ATP10A: variants seen among roughly 807,000 people sequenced by gnomAD.
The protein encoded by ATP10A is phospholipid-transporting ATPase VA.
A neutral mutation model predicts 147.8 loss-of-function variants in ATP10A; 111 were observed. The observed-to-expected ratio is 0.75, with a 90% confidence interval of 0.64 to 0.88. The LOEUF (loss-of-function observed/expected upper bound fraction) is 0.88. Among genes scored for constraint, ATP10A ranks in the 40% least tolerant of loss-of-function variants. The pLI is 0.00. For missense variants in ATP10A, 1,927 were observed against 1,959.0 expected (o/e 0.98, Z 0.31); for synonymous variants, 875 against 841.6 (o/e 1.04, Z -0.69).
At chr15:25,682,467 G>A (rs1899475090) in intron 17 of ATP10A, among the ~76,000 whole-genome samples, 1 of 152,166 alleles carries the variant, frequency 6.6e-6, no homozygotes, top group Non-Finnish European at 1.5e-5. Context: ...GAGCACTTAG[G>A]GAAAGTGCTG....
intron 12 of ATP10A, among the ~76,000 whole-genome samples, chr15:25,705,594 A>C (rs1348992481): frequency 6.6e-6 from 1 of 152,184 alleles, no homozygotes; most frequent in East Asian, 1.9e-4. Flanking sequence ...TGTGAACGCT[A>C]AGGTGGTGGG....
chr15:25,864,741 G>C, upstream of ATP10A, among the ~76,000 whole-genome samples: 1 of 152,178 alleles, frequency 6.6e-6, no homozygotes, highest in East Asian at 1.9e-4. Flanking sequence ...CAGTCAACCA[G>C]CAGAAACCCA....
chr15:25,684,593 G>A (rs1033576585), intron 16 of ATP10A, among the ~76,000 whole-genome samples: 1 of 152,176 alleles, frequency 6.6e-6, no homozygotes, highest in African/African-American at 2.4e-5. Context: ...GAAGTTCCAA[G>A]ACATCAAATG....
chr15:25,747,892 C>T (rs2140536164), intron 2 of ATP10A, among the ~76,000 whole-genome samples: 1 of 152,170 alleles, frequency 6.6e-6, no homozygotes, highest in South Asian at 2.1e-4. Flanking sequence ...CTGGCATGGG[C>T]TTTATACTAA....
intron 1 of ATP10A, among the ~76,000 whole-genome samples, chr15:25,792,995 C>T (rs1307848375): frequency 3.3e-5 from 5 of 151,780 alleles, no homozygotes; most frequent in African/African-American, 1.2e-4. Context: ...CTCAGCCTCC[C>T]GAGTAGCTGG....
intron 2 of ATP10A, among the ~76,000 whole-genome samples, chr15:25,766,821 G>C (rs980976005): frequency 2.0e-5 from 3 of 150,840 alleles, no homozygotes; most frequent in African/African-American, 7.3e-5. Context: ...GCTGCAGCTT[G>C]AGAAGGCACC....
chr15:25,787,365 G>C (rs1270576749), intron 1 of ATP10A, among the ~76,000 whole-genome samples: 5 of 152,078 alleles, frequency 3.3e-5, no homozygotes, highest in Non-Finnish European at 5.9e-5. Flanking sequence ...TGTAATCCCA[G>C]CACTTTGGGA....
At chr15:25,837,171 C>G (rs1266248536) in intron 1 of ATP10A, among the ~76,000 whole-genome samples, 3 of 152,228 alleles carry the variant, frequency 2.0e-5, no homozygotes, top group African/African-American at 7.2e-5. Flanking sequence ...AGCTTCAGTC[C>G]TCATGCTGTG....
At chr15:25,806,106 T>C (rs898333543) in intron 1 of ATP10A, among the ~76,000 whole-genome samples, 2 of 152,160 alleles carry the variant, frequency 1.3e-5, no homozygotes, top group Non-Finnish European at 2.9e-5. Flanking sequence ...CATATACATG[T>C]GGTTTTTTTC....
chr15:25,697,036 T>C (rs1900377311), intron 13 of ATP10A, among the ~76,000 whole-genome samples: 2 of 152,202 alleles, frequency 1.3e-5, no homozygotes, highest in South Asian at 4.1e-4. Context: ...CCAGCTTTCC[T>C]GCCAGAAGAC....
intron 17 of ATP10A, among the ~76,000 whole-genome samples, chr15:25,682,053 TAAA>T (rs5811392): frequency 0.65 from 81,757 of 126,720 alleles, 26,278 homozygotes; most frequent in African/African-American, 0.73. Context: ...GACCTTGTCT[TAAA>T]AAAAAAAAAA....
At chr15:25,744,618 CT>C (rs1354508562) in intron 2 of ATP10A, among the ~76,000 whole-genome samples, 2 of 152,128 alleles carry the variant, frequency 1.3e-5, no homozygotes, top group African/African-American at 4.8e-5. Flanking sequence ...AAAATGTGAC[CT>C]TAGAGATTTC....
chr15:25,737,832 G>GA (rs1455692732), intron 2 of ATP10A, among the ~76,000 whole-genome samples: 1 of 152,084 alleles, frequency 6.6e-6, no homozygotes, highest in East Asian at 1.9e-4. Flanking sequence ...TATACAAAGG[G>GA]AAAATCAGGA....
intron 1 of ATP10A, among the ~76,000 whole-genome samples, chr15:25,788,435 G>C (rs894565759): frequency 4.6e-5 from 7 of 152,160 alleles, no homozygotes; most frequent in African/African-American, 1.7e-4. Context: ...CCATTTCCCC[G>C]TAGCCCTCTG....
intron 14 of ATP10A, among the ~76,000 whole-genome samples, chr15:25,694,305 T>TA (rs1260409638): frequency 2.0e-5 from 3 of 152,232 alleles, no homozygotes; most frequent in Non-Finnish European, 4.4e-5. Flanking sequence ...ATGATGGACT[T>TA]ATTTACTCAG....
chr15:25,835,388 G>A (rs755532910), intron 1 of ATP10A, among the ~76,000 whole-genome samples: 34 of 152,328 alleles, frequency 2.2e-4, no homozygotes, highest in Non-Finnish European at 4.3e-4. Context: ...TTAACTGGGT[G>A]AATTGTATGG....
chr15:25,861,162 T>TG (rs201781184), intron 1 of ATP10A, among the ~76,000 whole-genome samples: 3 of 79,950 alleles, frequency 3.8e-5, no homozygotes, highest in Non-Finnish European at 1.2e-4. Context: ...GTGGTGTTTC[T>TG]GAAAGTGTGG....
intron 2 of ATP10A, among the ~76,000 whole-genome samples, chr15:25,747,287 C>CAAAAAAAAAAAAAAAAAAAAAAAAAA (rs34660034): frequency 8.8e-6 from 1 of 113,250 alleles, no homozygotes; most frequent in Non-Finnish European, 1.9e-5. Flanking sequence ...AACTCCATCT[C>CAAAAAAAAAAAAAAAAAAAAAAAAAA]AAAAAAAAAA....
At position 25,787,637 on chromosome 15, in the gene ATP10A, A is replaced by G. The variant is rs539592055; in HGVS notation, c.450-6414T>C. On this transcript the variant is annotated intron_variant, in intron 1 of 20. Transcript: ENST00000555815. ...AAAAAAAAAAAAAAAAAAAGAAGAA[A>G]GAAAAAGAAAAAGAAAAGAAAAAGG... 2.5e-4 allele frequency among the ~76,000 whole-genome samples: 38 copies of G among 151,856 alleles called. 2 individuals carry two copies. In the East Asian group the frequency reaches 7.4e-3, roughly 29 times the overall value.
Sources: gnomAD v4.1 joint callset for allele counts (sites outside exome capture counted in the v4.1 genomes callset) on GRCh38, gnomAD v4.1.1 for gene constraint, MANE v1.5 for transcripts, NCBI Gene and HGNC (gene_info 2026-07-23, HGNC 2026-07-21) for gene names.